Variants in SYNE1 observed in about 807,000 individuals in gnomAD.
The protein encoded by SYNE1 is nesprin-1.
SYNE1 carries 616 observed loss-of-function variants against 1,111.0 expected under a neutral mutation model. That is an observed-to-expected ratio of 0.55 (90% CI 0.52 to 0.59). The LOEUF (loss-of-function observed/expected upper bound fraction) is 0.59, where lower values mean the gene tolerates loss of function less well. Ranked by LOEUF, SYNE1 falls within the 20% of genes least tolerant of loss-of-function variation. The probability of loss-of-function intolerance (pLI) is 0.00; values close to 1 mark genes in which losing one functional copy is unlikely to be tolerated. For synonymous variants in SYNE1, 3,855 were observed against 3,825.8 expected, an observed-to-expected ratio of 1.01 and a Z score of -0.28; for missense variants, 10,006 against 10,417.0, an observed-to-expected ratio of 0.96 and a Z score of 1.72.
chr6:152,456,862 C>CA, intron 22 of SYNE1: 1 of 313,328 alleles, frequency 3.2e-6, no homozygotes, highest in Non-Finnish European at 6.5e-6. Context: ...TATCCAGATG[C>CA]AAATATCAAG....
At position 152,151,544 on chromosome 6, in the gene SYNE1, A is replaced by G. The variant is rs746934542; in HGVS notation, c.24450+9T>C. Reference sequence around the variant, plus strand: ...CTTCACTTTGGTAACTTGAAAAATAATCTATTACCTTGAGTTGCTTTATTT... The same window carrying G: ...CTTCACTTTGGTAACTTGAAAAATAGTCTATTACCTTGAGTTGCTTTATTT... On this transcript the variant is annotated intron_variant, in intron 135 of 145. Coordinates refer to ENST00000367255, the MANE Select transcript of SYNE1 (RefSeq NM_182961.4). The G allele has an allele frequency of 1.1e-5, 17 of 1,613,696 alleles. No individual in the cohort carries two copies. The East Asian group carries it at 3.6e-4, about 34-fold the overall frequency.
chr6:152,391,913 C>T (rs1028215445), intron 51 of SYNE1, among the ~76,000 whole-genome samples: 2 of 152,196 alleles, frequency 1.3e-5, no homozygotes, highest in East Asian at 1.9e-4. Context: ...TCTCTGCATT[C>T]CTATTTAATG....
intron 142 of SYNE1, 47 bp from the exon 143 acceptor site, chr6:152,133,535 T>C: frequency 1.3e-6 from 2 of 1,580,806 alleles, no homozygotes; most frequent in Non-Finnish European, 1.7e-6. Context: ...TTTTGATAAT[T>C]GGCAAAAGCT....
intron 9 of SYNE1, 121 bp downstream of exon 9, chr6:152,505,080 G>T: frequency 9.2e-7 from 1 of 1,087,588 alleles, no homozygotes; most frequent in South Asian, 1.3e-5. Context: ...ACCATTACTT[G>T]CCACTTTTCT....
chr6:152,627,695 T>G (rs1238371186), intron 3 of SYNE1, among the ~76,000 whole-genome samples: 1 of 152,088 alleles, frequency 6.6e-6, no homozygotes, highest in African/African-American at 2.4e-5. Context: ...CACTGTTGTT[T>G]GTTGTTGGAG....
At chr6:152,575,323 T>C (rs574925561) in intron 3 of SYNE1, among the ~76,000 whole-genome samples, 8 of 152,332 alleles carry the variant, frequency 5.3e-5, no homozygotes, top group African/African-American at 1.9e-4. Flanking sequence ...TCTGTCAAAA[T>C]GTGTTTCATG....
chr6:152,442,300 T>A, intron 30 of SYNE1, 55 bp from the exon 31 acceptor site: 1 of 1,602,906 alleles, frequency 6.2e-7, no homozygotes, highest in Non-Finnish European at 8.5e-7. Context: ...AACAGCTAAG[T>A]AGGGACATCA....
At chr6:152,214,144 G>T (rs2078102786) in intron 122 of SYNE1, among the ~76,000 whole-genome samples, 1 of 146,842 alleles carries the variant, frequency 6.8e-6, no homozygotes, top group Non-Finnish European at 1.5e-5. Context: ...AGTGAGCCGA[G>T]ATTGTGCCTT....
chr6:152,132,519 T>C (rs1475213304), intron 143 of SYNE1, among the ~76,000 whole-genome samples: 1 of 152,192 alleles, frequency 6.6e-6, no homozygotes, highest in Admixed American at 6.5e-5. Context: ...GAATTGATAT[T>C]GGCTTGGGAG....
At chr6:152,193,024 A>G (rs2073001313) in intron 127 of SYNE1, among the ~76,000 whole-genome samples, 1 of 151,884 alleles carries the variant, frequency 6.6e-6, no homozygotes, top group African/African-American at 2.4e-5. Flanking sequence ...CCATTTAGTC[A>G]CTCAATGTCT....
Position 152,407,061 on chromosome 6 carries a change from T to TATCCA in SYNE1, c.6675_6676insTGGAT (p.Asn2226TrpfsTer26). On this transcript the variant is annotated frameshift_variant, in exon 45 of 146. Coordinates refer to ENST00000367255, the MANE Select transcript of SYNE1 (RefSeq NM_182961.4). LOFTEE classifies it high-confidence loss of function. ...TCAGCTCTGAGGTGGTTATCCAGGTTGCTGATGTTTTCTGCCATCTGTGGA... is the reference window on the plus strand; with the variant it reads ...TCAGCTCTGAGGTGGTTATCCAGGTTATCCAGCTGATGTTTTCTGCCATCTGTGGA... 6.2e-7 allele frequency: 1 copy of TATCCA among 1,614,108 alleles called. No homozygotes were observed. The highest frequency in any genetic ancestry group is 8.5e-7 in the Non-Finnish European group (1 of 1,180,014).
At position 152,359,222 on chromosome 6, in the gene SYNE1, C is replaced by T. The variant is rs2154062353; in HGVS notation, c.10443+93G>A. ...TTTGCTTTTGTTCTGTTTTCCCAAG[C>T]CTGTCATTCTTGAACATAAATGAGT... On this transcript the variant is annotated intron_variant, in intron 65 of 145. Coordinates refer to ENST00000367255, the MANE Select transcript of SYNE1 (RefSeq NM_182961.4). The T allele has an allele frequency of 3.2e-6, 5 of 1,556,968 alleles. No homozygotes were observed. In the South Asian group the frequency reaches 3.4e-5, roughly 10 times the overall value.
chr6:152,588,316 T>C (rs1454659086), intron 3 of SYNE1, among the ~76,000 whole-genome samples: 3 of 152,226 alleles, frequency 2.0e-5, no homozygotes, highest in Admixed American at 2.0e-4. Context: ...GTATCTTATA[T>C]AATCTGTGCC....
chr6:152,527,908 T>A (rs111229850), intron 4 of SYNE1, among the ~76,000 whole-genome samples: 1 of 152,152 alleles, frequency 6.6e-6, no homozygotes, highest in Non-Finnish European at 1.5e-5. Context: ...CTTTCCCTCC[T>A]CTGTTGCTAC....
chr6:152,410,717 G>A (rs2098018962), intron 42 of SYNE1, among the ~76,000 whole-genome samples: 1 of 152,084 alleles, frequency 6.6e-6, no homozygotes, highest in Admixed American at 6.6e-5. Context: ...GGCGATAGAG[G>A]GAGACTATCT....
chr6:152,318,464 T>A (rs1006355767), intron 85 of SYNE1: 58 of 637,666 alleles, frequency 9.1e-5, no homozygotes, highest in Non-Finnish European at 1.5e-4. Flanking sequence ...TTATTTCCTA[T>A]GAGGCTGAGT....
chr6:152,247,921 A>G (rs1000819426), intron 105 of SYNE1, among the ~76,000 whole-genome samples: 2 of 151,314 alleles, frequency 1.3e-5, no homozygotes, highest in African/African-American at 4.9e-5. Flanking sequence ...TCTATCGTCT[A>G]TCCATAGATT....
At chr6:152,376,609 T>C (rs2097286068) in intron 57 of SYNE1, 51 bp from the exon 58 acceptor site, 1 of 1,603,962 alleles carries the variant, frequency 6.2e-7, no homozygotes, top group African/African-American at 1.3e-5. Flanking sequence ...ATAAAGTTGA[T>C]GAAAATCATG....
At chr6:152,626,010 G>T (rs1049967000) in intron 3 of SYNE1, among the ~76,000 whole-genome samples, 1 of 152,154 alleles carries the variant, frequency 6.6e-6, no homozygotes, top group African/African-American at 2.4e-5. Context: ...CACTGTCACA[G>T]GCCTATTTGT....
Sources: allele counts gnomAD v4.1 joint callset (sites outside exome capture counted in the v4.1 genomes callset), GRCh38; gene constraint gnomAD v4.1.1; transcripts MANE v1.5; gene names NCBI Gene and HGNC (gene_info 2026-07-23, HGNC 2026-07-21).